ZNF26: variants seen among roughly 807,000 people sequenced by gnomAD.
The protein encoded by ZNF26 is epididymis luminal protein 179.
Under a neutral mutation model 54.9 loss-of-function variants are expected in ZNF26, and 32 were observed. The observed-to-expected ratio is 0.58, with a 90% confidence interval of 0.44 to 0.78. The LOEUF (loss-of-function observed/expected upper bound fraction) is 0.78, where lower values mean the gene tolerates loss of function less well. ZNF26 is among the 30% of genes least tolerant of loss of function. ZNF26 has a pLI of 0.00. For synonymous variants in ZNF26, 221 were observed against 209.2 expected (o/e 1.06, Z -0.49); for missense variants, 524 against 634.0 (o/e 0.83, Z 1.86).
rs1348601771 is a variant in ZNF26, at chr12:133,021,135, T to G, written c.*9654T>G. On this transcript the variant is annotated 3_prime_UTR_variant, in exon 4 of 4. Coordinates refer to ENST00000328654, the MANE Select transcript of ZNF26 (RefSeq NM_019591.4). ...TCTTTTTCATTTTTTTTTTTTTTTT[T>G]TGAGACGGAATCTCACTCTGTCACC... is the stretch of plus-strand genomic sequence containing the variant. 3.5e-5 allele frequency: 2 copies of G among 56,656 alleles called. No homozygotes were observed. Among genetic ancestry groups the G allele is most frequent in the African/African-American group, 1.2e-4 (2 of 16,978 alleles). The allele number at this position is 56,656 out of a possible 1,614,324, so 3.5% of individuals were successfully genotyped here.
chr12:133,017,671 T>C lies in ZNF26; in HGVS notation c.*6190T>C, dbSNP rs1362664869. 1 of 152,182 alleles carries C rather than the reference T, an allele frequency of 6.6e-6. No homozygotes were observed. The highest frequency in any genetic ancestry group is 2.4e-5 in the African/African-American group (1 of 41,434). 9.4% of individuals were successfully genotyped at this position (152,182 alleles called of 1,614,324 possible). On this transcript the variant is annotated 3_prime_UTR_variant, in exon 4 of 4. Transcript: ENST00000328654. Reference sequence around the variant, plus strand: ...CCAGTAAAGGGTAATTATGTAATAATAAAAGATAGTGCAAGTGCAGATTTC... The same window carrying C: ...CCAGTAAAGGGTAATTATGTAATAACAAAAGATAGTGCAAGTGCAGATTTC...
At position 132,986,640 on chromosome 12, in the gene ZNF26, C is replaced by T; in HGVS notation, c.-201C>T. On this transcript the variant is annotated 5_prime_UTR_variant, in exon 1 of 4. Transcript: ENST00000328654. Reference sequence around the variant, plus strand: ...ATCCGTGCGACTCCTGGTACCCAGACCGGGAGGTTGTCTAGTCACGCGCGG... The same window carrying T: ...ATCCGTGCGACTCCTGGTACCCAGATCGGGAGGTTGTCTAGTCACGCGCGG... 1 of 600,948 alleles carries T rather than the reference C, an allele frequency of 1.7e-6. No individual in the cohort carries two copies. The highest frequency in any genetic ancestry group is 1.9e-5 in the African/African-American group (1 of 53,876). The allele number at this position is 600,948 out of a possible 1,614,324, so 37.2% of individuals were successfully genotyped here. A position where few individuals can be genotyped will look rare whatever the true frequency, so the allele number is the denominator to read the frequency against.
At chr12:132,991,489 C>T (rs1271733026) in intron 1 of ZNF26, among the ~76,000 whole-genome samples, 2 of 151,110 alleles carry the variant, frequency 1.3e-5, no homozygotes, top group Admixed American at 6.6e-5. Context: ...CAGAGCGAGA[C>T]TCAACAACAA....
At chr12:132,995,198 A>G (rs1309531058) in intron 1 of ZNF26, 1 of 152,592 alleles carries the variant, frequency 6.6e-6, no homozygotes, top group South Asian at 1.9e-4. Context: ...ACTTTTCAAA[A>G]AATTGCACCA....
chr12:133,026,223 C>T lies in ZNF26; in HGVS notation c.*14742C>T, dbSNP rs1953703325. ...TTCAAGCAGTTCTCTGCCTCAGCCTCCCAAGTAGCTGGGATTACAGGTGCT... is the reference window on the plus strand; with the variant it reads ...TTCAAGCAGTTCTCTGCCTCAGCCTTCCAAGTAGCTGGGATTACAGGTGCT... On this transcript the variant is annotated 3_prime_UTR_variant, in exon 4 of 4. Transcript: ENST00000328654. 1 of 151,738 alleles carries T rather than the reference C, an allele frequency of 6.6e-6. No homozygotes were observed. The highest frequency in any genetic ancestry group is 2.1e-4 in the South Asian group (1 of 4,802). The allele number at this position is 151,738 out of a possible 1,614,324, so 9.4% of individuals were successfully genotyped here. A position where few individuals can be genotyped will look rare whatever the true frequency, so the allele number is the denominator to read the frequency against.
intron 1 of ZNF26, among the ~76,000 whole-genome samples, chr12:133,000,336 T>TC (rs1953184477): frequency 6.6e-6 from 1 of 151,210 alleles, no homozygotes; most frequent in East Asian, 1.9e-4. Flanking sequence ...ACTGCAGCCT[T>TC]CACCTCCTGG....
At chr12:133,000,565 C>G (rs760960392) in intron 1 of ZNF26, among the ~76,000 whole-genome samples, 9 of 151,940 alleles carry the variant, frequency 5.9e-5, no homozygotes, top group African/African-American at 1.2e-4. Flanking sequence ...GCTGGGACTA[C>G]AGGCGCCCGC....
In ZNF26 at chr12:133,023,264, A is replaced by C. The variant is rs1953664191; in HGVS notation, c.*11783A>C. On this transcript the variant is annotated 3_prime_UTR_variant, in exon 4 of 4. Coordinates refer to ENST00000328654, the MANE Select transcript of ZNF26 (RefSeq NM_019591.4). The stretch of plus-strand genomic sequence containing the variant: ...GAAAAAGCAAGACTGAATAAAATCA[A>C]CAATAAATAACAAAATTGAATTGGA... 6.6e-6 allele frequency: 1 copy of C among 152,244 alleles called. No individual in the cohort carries two copies. The highest frequency in any genetic ancestry group is 1.5e-5 in the Non-Finnish European group (1 of 68,046). 9.4% of individuals were successfully genotyped at this position (152,244 alleles called of 1,614,324 possible).
Position 133,026,859 on chromosome 12 carries a change from T to G in ZNF26, c.*15378T>G. 3 of 152,330 alleles carry G rather than the reference T, an allele frequency of 2.0e-5. No individual in the cohort carries two copies. In the Middle Eastern group the frequency reaches 0.01, roughly 518 times the overall value. The allele number at this position is 152,330 out of a possible 1,614,324, so 9.4% of individuals were successfully genotyped here. On this transcript the variant is annotated 3_prime_UTR_variant, in exon 4 of 4. Coordinates refer to ENST00000328654, the MANE Select transcript of ZNF26 (RefSeq NM_019591.4). Reference sequence around the variant, plus strand: ...ACTTTATAAATAAATATGTCAAAGATAATTCAATATTAAAGTTTATATATT... The same window carrying G: ...ACTTTATAAATAAATATGTCAAAGAGAATTCAATATTAAAGTTTATATATT...
In ZNF26 at chr12:133,019,622, T is replaced by G. The variant is rs1449955761; in HGVS notation, c.*8141T>G. On this transcript the variant is annotated 3_prime_UTR_variant, in exon 4 of 4. Coordinates refer to ENST00000328654, the MANE Select transcript of ZNF26 (RefSeq NM_019591.4). The stretch of plus-strand genomic sequence containing the variant: ...AGCCCTCGTACACTGTTGGTGGGAG[T>G]GGAAATTAGTACAGCCACTATGGAG... 3 of 151,296 alleles carry G rather than the reference T, an allele frequency of 2.0e-5. No individual in the cohort carries two copies. Among genetic ancestry groups the G allele is most frequent in the Non-Finnish European group, 4.4e-5 (3 of 67,864 alleles). The allele number at this position is 151,296 out of a possible 1,614,324, so 9.4% of individuals were successfully genotyped here.
Position 133,018,972 on chromosome 12 carries a change from A to G in ZNF26, c.*7491A>G, listed in dbSNP as rs1953602765. On this transcript the variant is annotated 3_prime_UTR_variant, in exon 4 of 4. Coordinates refer to ENST00000328654, the MANE Select transcript of ZNF26 (RefSeq NM_019591.4). ...AGTGGTGATAAAAAAAAATCCAACC[A>G]TGTACAGAAGACATACATACATACT... 3 of 152,190 alleles carry G rather than the reference A, an allele frequency of 2.0e-5. No individual in the cohort carries two copies. Among genetic ancestry groups the G allele is most frequent in the African/African-American group, 7.2e-5 (3 of 41,452 alleles). The allele number at this position is 152,190 out of a possible 1,614,324, so 9.4% of individuals were successfully genotyped here.
chr12:133,017,187 T>C lies in ZNF26; in HGVS notation c.*5706T>C, dbSNP rs978232596. ...ATAAGCCCCAGAAAATAACAGTATG[T>C]AACATTGGAAGAAGTCTAATAATTT... is the stretch of plus-strand genomic sequence containing the variant. On this transcript the variant is annotated 3_prime_UTR_variant, in exon 4 of 4. Coordinates refer to ENST00000328654, the MANE Select transcript of ZNF26 (RefSeq NM_019591.4). The C allele has an allele frequency of 2.0e-5, 3 of 152,202 alleles. No individual in the cohort carries two copies. Among genetic ancestry groups the C allele is most frequent in the African/African-American group, 7.2e-5 (3 of 41,450 alleles). 9.4% of individuals were successfully genotyped at this position (152,202 alleles called of 1,614,324 possible).
rs1450890433 is a variant in ZNF26, at chr12:133,011,806, A to G, written c.*325A>G. ...CCCATTGAAAGTGTGTTCCATGGAA[A>G]GTCACATTCCAGATTTGAAGCTGTG... On this transcript the variant is annotated 3_prime_UTR_variant, in exon 4 of 4. Transcript: ENST00000328654. The G allele has an allele frequency of 5.8e-6, 1 of 171,602 alleles. No individual in the cohort carries two copies. Among genetic ancestry groups the G allele is most frequent in the Non-Finnish European group, 1.2e-5 (1 of 80,804 alleles). 10.6% of individuals were successfully genotyped at this position (171,602 alleles called of 1,614,324 possible). A position where few individuals can be genotyped will look rare whatever the true frequency, so the allele number is the denominator to read the frequency against.
At chr12:133,009,605 A>T (rs1273989015) in intron 3 of ZNF26, among the ~76,000 whole-genome samples, 1 of 151,104 alleles carries the variant, frequency 6.6e-6, no homozygotes, top group Non-Finnish European at 1.5e-5. Context: ...AAAAAAAAAA[A>T]TCTTAAAAAT....
chr12:133,022,809 A>G lies in ZNF26; in HGVS notation c.*11328A>G, dbSNP rs1953660706. 6.6e-6 allele frequency: 1 copy of G among 152,236 alleles called. No individual in the cohort carries two copies. Among genetic ancestry groups the G allele is most frequent in the Non-Finnish European group, 1.5e-5 (1 of 68,040 alleles). 9.4% of individuals were successfully genotyped at this position (152,236 alleles called of 1,614,324 possible). A position where few individuals can be genotyped will look rare whatever the true frequency, so the allele number is the denominator to read the frequency against. ...AGTCCTAGACATTTAATAGTGATAAATGTTATTCCCCAAATACTGTATGTA... is the reference window on the plus strand; with the variant it reads ...AGTCCTAGACATTTAATAGTGATAAGTGTTATTCCCCAAATACTGTATGTA... On this transcript the variant is annotated 3_prime_UTR_variant, in exon 4 of 4. Transcript: ENST00000328654.
At position 133,008,193 on chromosome 12, in the gene ZNF26, A is replaced by G. The variant is rs56836659; in HGVS notation, c.256+661A>G. Among the ~76,000 whole-genome samples, 642 of 152,174 alleles carry G rather than the reference A, an allele frequency of 4.2e-3. 4 individuals carry two copies. Among genetic ancestry groups the G allele is most frequent in the African/African-American group, 0.015 (620 of 41,518 alleles). On this transcript the variant is annotated intron_variant, in intron 3 of 3. Coordinates refer to ENST00000328654, the MANE Select transcript of ZNF26 (RefSeq NM_019591.4). ...TACCTGCCTGTGGGAGCGCTACCCC[A>G]CGCTTTCCCAGACTTTACTCTCAGT...
intron 3 of ZNF26, among the ~76,000 whole-genome samples, chr12:133,008,645 G>A (rs960748654): frequency 7.9e-5 from 12 of 151,902 alleles, no homozygotes; most frequent in South Asian, 2.1e-4. Flanking sequence ...GTGTGGTGGC[G>A]GGCGCCTGTA....
rs1953522172 is a variant in ZNF26 at position 133,013,386 on chromosome 12, T to C, written c.*1905T>C. On this transcript the variant is annotated 3_prime_UTR_variant, in exon 4 of 4. Transcript: ENST00000328654. ...CTCAAATGTTTACTAAATCCCTTAA[T>C]GTAAACATGTGTTGAAAAAGTTATC... 2 of 152,640 alleles carry C rather than the reference T, an allele frequency of 1.3e-5. No homozygotes were observed. Among genetic ancestry groups the C allele is most frequent in the East Asian group, 3.8e-4 (2 of 5,204 alleles). 9.5% of individuals were successfully genotyped at this position (152,640 alleles called of 1,614,324 possible). A position where few individuals can be genotyped will look rare whatever the true frequency, so the allele number is the denominator to read the frequency against.
In ZNF26 at chr12:133,001,093, C is replaced by G. The variant is rs1953209811; in HGVS notation, c.34-5949C>G. Among the ~76,000 whole-genome samples, 2 of 152,110 alleles carry G rather than the reference C, an allele frequency of 1.3e-5. No individual in the cohort carries two copies. The highest frequency in any genetic ancestry group is 2.9e-5 in the Non-Finnish European group (2 of 68,028). ...GACTTGTTTCATGTTTCTTCTCCCTCAGATTTAAAGTAACCAGCTTGATAA... is the reference window on the plus strand; with the variant it reads ...GACTTGTTTCATGTTTCTTCTCCCTGAGATTTAAAGTAACCAGCTTGATAA... On this transcript the variant is annotated intron_variant, in intron 1 of 3. Coordinates refer to ENST00000328654, the MANE Select transcript of ZNF26 (RefSeq NM_019591.4). This position sits in a 1 kb window ranked among gnomAD's most constrained non-coding sequence, Gnocchi z 4.7.
Sources: allele counts gnomAD v4.1 joint callset (sites outside exome capture counted in the v4.1 genomes callset), GRCh38; gene constraint gnomAD v4.1.1; non-coding constraint Gnocchi (gnomAD v3.1); transcripts MANE v1.5; gene names NCBI Gene and HGNC (gene_info 2026-07-23, HGNC 2026-07-21).